The following TRERF1 variants were observed in gnomAD, a reference collection of about 807,000 sequenced individuals.
The protein encoded by TRERF1 is transcriptional regulating factor 1.
A neutral mutation model predicts 122.9 loss-of-function variants in TRERF1; 27 were observed. The observed-to-expected ratio is 0.22, with a 90% CI of 0.16 to 0.30. The LOEUF is 0.30. TRERF1 is among the 10% of genes least tolerant of loss of function. The pLI, the probability that TRERF1 is intolerant of heterozygous loss-of-function variation, is 1.00. For synonymous variants in TRERF1, 636 were observed against 641.7 expected (o/e 0.99, Z 0.13); for missense variants, 1,248 against 1,560.3 (o/e 0.80, Z 3.37).
intron 13 of TRERF1, among the ~76,000 whole-genome samples, chr6:42,247,035 G>A (rs1447336331): frequency 6.6e-6 from 1 of 152,196 alleles, no homozygotes; most frequent in African/African-American, 2.4e-5. Flanking sequence ...AAACAAGTAG[G>A]CCATGACGTT....
chr6:42,268,424 G>A lies in TRERF1; in HGVS notation c.1167C>T (p.Pro389=), dbSNP rs1253235683. Reference sequence around the variant, plus strand: ...GGGACAGGTGGCTCTGCTGGTAGAGGGGGTGGCTGTAGGGCTGCTGGGGCT... The same window carrying A: ...GGGACAGGTGGCTCTGCTGGTAGAGAGGGTGGCTGTAGGGCTGCTGGGGCT... The change falls in exon 5 of 18, where the codon CCC becomes CCT. Residue 389 remains proline (P), a synonymous_variant. Transcript: ENST00000372922. This position sits in a 1 kb window ranked among gnomAD's most constrained non-coding sequence, Gnocchi z 4.4. The A allele has an allele frequency of 3.2e-6, 5 of 1,565,034 alleles. No individual in the cohort carries two copies. Among genetic ancestry groups the A allele is most frequent in the Non-Finnish European group, 3.5e-6 (4 of 1,155,342 alleles).
At chr6:42,339,883 T>C (rs1415548566) in intron 3 of TRERF1, among the ~76,000 whole-genome samples, 2 of 152,214 alleles carry the variant, frequency 1.3e-5, no homozygotes, top group African/African-American at 4.8e-5. Flanking sequence ...TTAAGAAAAG[T>C]CTATTTTAAT....
intron 2 of TRERF1, among the ~76,000 whole-genome samples, chr6:42,375,455 G>A (rs994081200): frequency 6.6e-6 from 1 of 152,218 alleles, no homozygotes; most frequent in South Asian, 2.1e-4. Context: ...GCTGACAGCT[G>A]TCTCGTCACC....
intron 11 of TRERF1, 49 bp from the exon 12 acceptor site, chr6:42,256,880 T>C (rs766245478): frequency 1.2e-6 from 2 of 1,613,428 alleles, no homozygotes; most frequent in Admixed American, 3.3e-5. Context: ...CTGAGTGTAA[T>C]GGAAAACACA....
At chr6:42,237,726 G>GTGA (rs1772573294) in intron 15 of TRERF1, among the ~76,000 whole-genome samples, 1 of 152,196 alleles carries the variant, frequency 6.6e-6, no homozygotes, top group Admixed American at 6.5e-5. Context: ...TCTGAAAGTA[G>GTGA]TGATACCCTA....
intron 2 of TRERF1, among the ~76,000 whole-genome samples, chr6:42,438,930 A>T (rs529890883): frequency 6.6e-4 from 100 of 152,244 alleles, no homozygotes; most frequent in African/African-American, 2.2e-3. Context: ...GGGGAGGGGA[A>T]GGAGGGCAGC....
Position 42,398,347 on chromosome 6 carries a change from T to C in TRERF1, c.-453-35268A>G, listed in dbSNP as rs1581996903. 3.9e-5 allele frequency among the ~76,000 whole-genome samples: 6 copies of C among 152,342 alleles called. No homozygotes were observed. In the South Asian group the frequency reaches 1.2e-3, roughly 32 times the overall value. On this transcript the variant is annotated intron_variant, in intron 2 of 17. Transcript: ENST00000372922. ...CAGGACAGAATCACCTCTGAGTTTG[T>C]GCAGTATGGTAATAAGGAATCCAGA... is the stretch of plus-strand genomic sequence containing the variant.
At chr6:42,397,200 G>A (rs1208997973) in intron 2 of TRERF1, among the ~76,000 whole-genome samples, 3 of 152,090 alleles carry the variant, frequency 2.0e-5, no homozygotes, top group Admixed American at 6.5e-5. Flanking sequence ...GGGCATCATC[G>A]GAGTATGGAG....
chr6:42,332,882 A>C (rs1765480051), intron 3 of TRERF1, among the ~76,000 whole-genome samples: 1 of 152,194 alleles, frequency 6.6e-6, no homozygotes, highest in Non-Finnish European at 1.5e-5. Flanking sequence ...ACAGAACAAA[A>C]ATGCCATGCC....
chr6:42,434,693 C>G (rs979692308), intron 2 of TRERF1, among the ~76,000 whole-genome samples: 3 of 151,856 alleles, frequency 2.0e-5, no homozygotes, highest in African/African-American at 7.3e-5. Flanking sequence ...CACACACACA[C>G]ACACACACAC....
At chr6:42,279,225 A>G (rs1016356167) in intron 4 of TRERF1, among the ~76,000 whole-genome samples, 2 of 152,118 alleles carry the variant, frequency 1.3e-5, no homozygotes, top group Non-Finnish European at 1.5e-5. Context: ...GGACTCCGGG[A>G]AGGTCTCTGC....
chr6:42,338,542 CT>C (rs1331002669), intron 3 of TRERF1, among the ~76,000 whole-genome samples: 5 of 152,178 alleles, frequency 3.3e-5, no homozygotes, highest in African/African-American at 1.2e-4. Context: ...AACAAGCACT[CT>C]CCTGTTCACC....
intron 4 of TRERF1, among the ~76,000 whole-genome samples, chr6:42,295,870 C>T (rs1785020720): frequency 1.3e-5 from 2 of 152,074 alleles, no homozygotes. Flanking sequence ...GACTTGTTGC[C>T]TGATAGATAT....
At chr6:42,281,976 T>C (rs959803990) in intron 4 of TRERF1, among the ~76,000 whole-genome samples, 1 of 152,204 alleles carries the variant, frequency 6.6e-6, no homozygotes, top group Non-Finnish European at 1.5e-5. Flanking sequence ...CTTAGGAACA[T>C]CTGTGAGAAT....
Position 42,268,327 on chromosome 6 carries a change from A to G in TRERF1, c.1264T>C (p.Ser422Pro). Residue 422 changes from serine to proline, a missense_variant, in exon 5 of 18, where the codon TCC becomes CCC. Transcript: ENST00000372922. The surrounding 1 kb of genome is among the most constrained non-coding windows in gnomAD (Gnocchi z 4.4). ...TCAGGAGGCCCCAGGTCCCCATGGG[A>G]GCTCAGCATGGCCTGGGCCTGTCTG... is the stretch of plus-strand genomic sequence containing the variant. The G allele has an allele frequency of 6.6e-7, 1 of 1,515,932 alleles. No individual in the cohort carries two copies. The highest frequency in any genetic ancestry group is 8.8e-7 in the Non-Finnish European group (1 of 1,133,220). 93.9% of individuals were successfully genotyped at this position (1,515,932 alleles called of 1,614,324 possible).
At chr6:42,287,018 C>A (rs1783362561) in intron 4 of TRERF1, among the ~76,000 whole-genome samples, 1 of 145,232 alleles carries the variant, frequency 6.9e-6, no homozygotes, top group South Asian at 2.4e-4. Context: ...TGGAAATCAT[C>A]ATTCTCAGTA....
chr6:42,315,355 A>C (rs1762296906), intron 3 of TRERF1, among the ~76,000 whole-genome samples: 1 of 152,220 alleles, frequency 6.6e-6, no homozygotes, highest in Non-Finnish European at 1.5e-5. Context: ...GCAGGGCCTC[A>C]CAAGTCACAG....
intron 16 of TRERF1, among the ~76,000 whole-genome samples, chr6:42,234,707 T>C (rs1387557839): frequency 6.6e-6 from 1 of 152,168 alleles, no homozygotes; most frequent in Non-Finnish European, 1.5e-5. Context: ...GCCTCCATCG[T>C]TAGGCAAGGA....
At chr6:42,242,015 A>G (rs1408016089) in intron 15 of TRERF1, among the ~76,000 whole-genome samples, 1 of 152,182 alleles carries the variant, frequency 6.6e-6, no homozygotes, top group African/African-American at 2.4e-5. Context: ...GGATTGCTTG[A>G]GCCCAAGAAG....
Sources: gnomAD v4.1 joint callset for allele counts (sites outside exome capture counted in the v4.1 genomes callset) on GRCh38, gnomAD v4.1.1 for gene constraint, Gnocchi (gnomAD v3.1) non-coding constraint, MANE v1.5 for transcripts, NCBI Gene and HGNC (gene_info 2026-07-23, HGNC 2026-07-21) for gene names.